Variants in NEMP1 observed in about 807,000 individuals in gnomAD.
NEMP1 encodes nuclear envelope integral membrane protein 1.
Under a neutral mutation model 53.7 loss-of-function variants are expected in NEMP1, and 29 were observed. That is an observed-to-expected ratio of 0.54 (90% confidence interval 0.40 to 0.74). NEMP1 has a LOEUF of 0.74. Among genes scored for constraint, NEMP1 ranks in the 30% least tolerant of loss-of-function variants. The pLI, the probability that NEMP1 is intolerant of heterozygous loss-of-function variation, is 0.00. For synonymous variants in NEMP1, 193 were observed against 192.9 expected (o/e 1.00, Z 0.00); for missense variants, 477 against 528.6 (o/e 0.90, Z 0.96).
chr12:57,088,067 T>C (rs1431356768), upstream of NEMP1: 1 of 152,178 alleles, frequency 6.6e-6, no homozygotes, highest in Non-Finnish European at 1.5e-5. Flanking sequence ...CGTCGTAGGC[T>C]CCCGACCTCT....
At chr12:57,068,428 C>T (rs1203014288) in intron 4 of NEMP1, among the ~76,000 whole-genome samples, 1 of 151,656 alleles carries the variant, frequency 6.6e-6, no homozygotes, top group Non-Finnish European at 1.5e-5. Context: ...CTTGGCTCAC[C>T]GCAACCTCCG....
At chr12:57,077,026 AG>A (rs2032657039) in intron 1 of NEMP1, among the ~76,000 whole-genome samples, 2 of 152,204 alleles carry the variant, frequency 1.3e-5, no homozygotes, top group East Asian at 1.9e-4. Context: ...AATACAAGTA[AG>A]ACAACATTTA....
intron 4 of NEMP1, among the ~76,000 whole-genome samples, chr12:57,066,891 T>C (rs1040997003): frequency 1.3e-5 from 2 of 152,218 alleles, no homozygotes; most frequent in Non-Finnish European, 2.9e-5. Context: ...TCATTCTCTC[T>C]TGCCTGCTGC....
intron 1 of NEMP1, among the ~76,000 whole-genome samples, chr12:57,084,985 C>T (rs1416062697): frequency 6.6e-6 from 1 of 152,024 alleles, no homozygotes; most frequent in African/African-American, 2.4e-5. Context: ...AGCACTGGTC[C>T]AAAATATTTT....
At position 57,057,430 on chromosome 12, in the gene NEMP1, A is replaced by C. The variant is rs1460474491; in HGVS notation, c.*2449T>G. ...CAAGTAGTGACTGAGCCAGCAAACT[A>C]AGTGGCCAAGAGGGAGACAAGAGCA... On this transcript the variant is annotated 3_prime_UTR_variant, in exon 9 of 9. Coordinates refer to ENST00000300128, the MANE Select transcript of NEMP1 (RefSeq NM_001130963.2). 1.3e-5 allele frequency: 2 copies of C among 152,360 alleles called. No individual in the cohort carries two copies. Among genetic ancestry groups the C allele is most frequent in the Non-Finnish European group, 2.9e-5 (2 of 68,122 alleles). 9.4% of individuals were successfully genotyped at this position (152,360 alleles called of 1,614,324 possible). A position where few individuals can be genotyped will look rare whatever the true frequency, so the allele number is the denominator to read the frequency against.
intron 4 of NEMP1, among the ~76,000 whole-genome samples, chr12:57,067,291 T>C (rs2032134704): frequency 6.7e-6 from 1 of 148,446 alleles, no homozygotes; most frequent in South Asian, 2.1e-4. Flanking sequence ...GTCACTACAC[T>C]CCAGCCTGGG....
At chr12:57,060,284 C>CT (rs1400860599) in intron 8 of NEMP1, among the ~76,000 whole-genome samples, 3 of 152,214 alleles carry the variant, frequency 2.0e-5, no homozygotes, top group Non-Finnish European at 4.4e-5. Context: ...CTCCATCCTG[C>CT]TTAATAAGCA....
chr12:57,077,117 G>A (rs1361232955), intron 1 of NEMP1, among the ~76,000 whole-genome samples: 1 of 152,066 alleles, frequency 6.6e-6, no homozygotes, highest in Non-Finnish European at 1.5e-5. Context: ...CGGATCACGA[G>A]GTCAGGAGAT....
At position 57,064,719 on chromosome 12, in the gene NEMP1, G is replaced by T. The variant is rs183628962; in HGVS notation, c.566C>A (p.Ser189Tyr). 6 of 1,612,740 alleles carry T rather than the reference G, an allele frequency of 3.7e-6. No individual in the cohort carries two copies. In the Admixed American group the frequency reaches 5.0e-5, roughly 13 times the overall value. Residue 189 changes from serine to tyrosine, a missense_variant, in exon 5 of 9, where the codon TCT becomes TAT. By Grantham distance (144) the Ser-to-Tyr change is moderately radical. Coordinates refer to ENST00000300128, the MANE Select transcript of NEMP1 (RefSeq NM_001130963.2). ...CACAATTCCCACAGTCATCCCAGTA[G>T]AGTAGTAGAAAATTTGACTTCTGCA... ...LLSRSQIFYY[S>Y]TGMTVGIVAS...
At chr12:57,087,490 G>A (rs967074758) in intron 1 of NEMP1, among the ~76,000 whole-genome samples, 32 of 151,932 alleles carry the variant, frequency 2.1e-4, no homozygotes, top group Non-Finnish European at 4.1e-4. Context: ...GGTCGGGAGC[G>A]TCCCCAGGGG....
At chr12:57,063,948 T>C in intron 6 of NEMP1, 123 bp downstream of exon 6, 1 of 592,994 alleles carries the variant, frequency 1.7e-6, no homozygotes, top group Non-Finnish European at 2.9e-6. Context: ...ACTATGATTT[T>C]TAAAAGTTTA....
At chr12:57,064,776 A>G (rs748029768) in intron 4 of NEMP1, 37 bp from the exon 5 acceptor site, 8 of 1,470,574 alleles carry the variant, frequency 5.4e-6, no homozygotes, top group Admixed American at 1.7e-5. Context: ...CCATATGTAT[A>G]TATTTCATAC....
chr12:57,068,962 GTGA>G (rs2032221059), intron 4 of NEMP1, among the ~76,000 whole-genome samples: 1 of 152,140 alleles, frequency 6.6e-6, no homozygotes, highest in Non-Finnish European at 1.5e-5. Flanking sequence ...AATAGAAAGG[GTGA>G]TGATGTTCCA....
intron 1 of NEMP1, among the ~76,000 whole-genome samples, chr12:57,073,671 TAA>T (rs1217438069): frequency 2.0e-5 from 3 of 152,084 alleles, no homozygotes; most frequent in Admixed American, 6.6e-5. Flanking sequence ...AATACATAAA[TAA>T]AAGAGACAGT....
At chr12:57,081,104 G>A (rs1397833165), upstream of NEMP1, among the ~76,000 whole-genome samples, 1 of 152,128 alleles carries the variant, frequency 6.6e-6, no homozygotes, top group Non-Finnish European at 1.5e-5. Context: ...TTTTAACTCT[G>A]TGGTTTTCCT....
Position 57,073,365 on chromosome 12 carries a change from C to T in NEMP1, c.128-453G>A, listed in dbSNP as rs770222192. On this transcript the variant is annotated intron_variant, in intron 1 of 8. Transcript: ENST00000300128. ...TCTATTAAGACAGTATGCTGCCAGG[C>T]GCGGTGGCTCATGCCTGTAATCCCA... 2.0e-5 allele frequency among the ~76,000 whole-genome samples: 3 copies of T among 151,718 alleles called. 1 individual carries two copies. In the South Asian group the frequency reaches 6.2e-4, roughly 32 times the overall value.
intron 4 of NEMP1, among the ~76,000 whole-genome samples, chr12:57,065,568 C>T (rs190157479): frequency 6.7e-6 from 1 of 148,644 alleles, no homozygotes; most frequent in African/African-American, 2.5e-5. Flanking sequence ...GTTGCCCAAG[C>T]TGGGGTGCGA....
At position 57,059,813 on chromosome 12, in the gene NEMP1, T is replaced by C. The variant is rs1254555810; in HGVS notation, c.*66A>G. On this transcript the variant is annotated 3_prime_UTR_variant, in exon 9 of 9. Transcript: ENST00000300128. ...CTCTGTTTCAAAGGGTTGAAAGCAA[T>C]TGCACAACACATGCAACATGGACCA... The C allele has an allele frequency of 2.5e-5, 36 of 1,439,108 alleles. No homozygotes were observed. The highest frequency in any genetic ancestry group is 3.2e-5 in the Non-Finnish European group (33 of 1,043,796). The allele number at this position is 1,439,108 out of a possible 1,614,324, so 89.1% of individuals were successfully genotyped here.
At chr12:57,081,831 T>C (rs1384743080), upstream of NEMP1, among the ~76,000 whole-genome samples, 1 of 150,852 alleles carries the variant, frequency 6.6e-6, no homozygotes, top group East Asian at 2.0e-4. Context: ...GGTGTGAACC[T>C]GGGAGGCGGA....
Sources: gnomAD v4.1 joint callset for allele counts (sites outside exome capture counted in the v4.1 genomes callset) on GRCh38, gnomAD v4.1.1 for gene constraint, MANE v1.5 for transcripts, NCBI Gene and HGNC (gene_info 2026-07-23, HGNC 2026-07-21) for gene names.